SGPP2: variants seen among roughly 807,000 people sequenced by gnomAD.
SGPP2 encodes the protein sphingosine 1-phosphate phosphohydrolase 2.
A neutral mutation model predicts 33.9 loss-of-function variants in SGPP2; 30 were observed. The ratio of observed to expected loss-of-function variants is 0.89; its 90% CI spans 0.66 to 1.20. The LOEUF (loss-of-function observed/expected upper bound fraction) is 1.20. Ranked by LOEUF, SGPP2 falls within the 50% of genes most tolerant of loss-of-function variation. The probability of loss-of-function intolerance (pLI) is 0.00; values close to 1 mark genes in which losing one functional copy is unlikely to be tolerated. For missense variants in SGPP2, 458 were observed against 532.1 expected, an observed-to-expected ratio of 0.86 and a Z score of 1.37; for synonymous variants, 233 against 225.0, an observed-to-expected ratio of 1.04 and a Z score of -0.32.
At chr2:222,454,309 G>T (rs1002281391) in intron 1 of SGPP2, among the ~76,000 whole-genome samples, 1 of 152,180 alleles carries the variant, frequency 6.6e-6, no homozygotes, top group African/African-American at 2.4e-5. Context: ...TCCCATTGCT[G>T]ATGTTCAGTG....
intron 1 of SGPP2, among the ~76,000 whole-genome samples, chr2:222,466,639 CAGT>C (rs1396995406): frequency 6.6e-6 from 1 of 152,094 alleles, no homozygotes; most frequent in Non-Finnish European, 1.5e-5. Flanking sequence ...AGGATTCTGA[CAGT>C]AGTGCAAAAG....
At chr2:222,480,053 AG>A (rs1364781595) in intron 2 of SGPP2, among the ~76,000 whole-genome samples, 2 of 152,222 alleles carry the variant, frequency 1.3e-5, no homozygotes, top group Admixed American at 6.5e-5. Context: ...AGAGATATTG[AG>A]GATGATGTTT....
In SGPP2 at chr2:222,505,615, T is replaced by C. The variant is rs552024355; in HGVS notation, c.379-16152T>C. Among the ~76,000 whole-genome samples the C allele has an allele frequency of 7.2e-5, 11 of 152,196 alleles. No individual in the cohort carries two copies. The East Asian group carries it at 2.1e-3, about 29-fold the overall frequency. On this transcript the variant is annotated intron_variant, in intron 2 of 4. Transcript: ENST00000321276. ...TGTTATTATTTACTACCATAAAATA[T>C]ACATGAATCTATTATGAAAAGTTAA...
At chr2:222,500,240 C>T (rs1698346528) in intron 2 of SGPP2, among the ~76,000 whole-genome samples, 1 of 151,868 alleles carries the variant, frequency 6.6e-6, no homozygotes, top group South Asian at 2.1e-4. Context: ...TGATGGTGCA[C>T]CACTGGGATG....
chr2:222,472,970 T>C (rs1456180177), intron 1 of SGPP2, among the ~76,000 whole-genome samples: 4 of 152,032 alleles, frequency 2.6e-5, no homozygotes, highest in Non-Finnish European at 5.9e-5. Flanking sequence ...GCCAAGATAG[T>C]GCCATTGCAC....
chr2:222,456,718 T>C (rs2106080659), intron 1 of SGPP2, among the ~76,000 whole-genome samples: 1 of 152,346 alleles, frequency 6.6e-6, no homozygotes, highest in Non-Finnish European at 1.5e-5. Context: ...TTAACCTGGT[T>C]GTCAACACAT....
chr2:222,508,922 C>T (rs561465849), intron 2 of SGPP2, among the ~76,000 whole-genome samples: 1 of 152,034 alleles, frequency 6.6e-6, no homozygotes, highest in Non-Finnish European at 1.5e-5. Flanking sequence ...ACATCACATC[C>T]AGCAAAAAAA....
At chr2:222,447,051 A>G (rs528793477) in intron 1 of SGPP2, among the ~76,000 whole-genome samples, 9 of 152,206 alleles carry the variant, frequency 5.9e-5, no homozygotes, top group Non-Finnish European at 1.3e-4. Context: ...GCTGCTCCAC[A>G]ATATCATCAG....
intron 4 of SGPP2, among the ~76,000 whole-genome samples, chr2:222,528,432 CT>C (rs1472786251): frequency 2.6e-5 from 4 of 151,334 alleles, no homozygotes; most frequent in South Asian, 4.2e-4. Context: ...TACATTATGT[CT>C]AAAAAAAAGC....
intron 1 of SGPP2, among the ~76,000 whole-genome samples, chr2:222,426,692 G>A (rs1431867511): frequency 6.6e-6 from 1 of 152,146 alleles, no homozygotes. Flanking sequence ...ATATAATGGG[G>A]GAAATCATAA....
intron 4 of SGPP2, among the ~76,000 whole-genome samples, chr2:222,554,863 A>C (rs1386273627): frequency 6.6e-6 from 1 of 152,198 alleles, no homozygotes; most frequent in Non-Finnish European, 1.5e-5. Flanking sequence ...TGAAATTTTA[A>C]TTTAAAAATT....
chr2:222,463,950 C>T (rs1697704020), intron 1 of SGPP2, among the ~76,000 whole-genome samples: 1 of 144,510 alleles, frequency 6.9e-6, no homozygotes, highest in Non-Finnish European at 1.5e-5. Flanking sequence ...AATCAACCCT[C>T]CCAAGTTCTG....
intron 1 of SGPP2, among the ~76,000 whole-genome samples, chr2:222,454,420 G>C (rs1425572771): frequency 6.6e-6 from 1 of 152,198 alleles, no homozygotes; most frequent in African/African-American, 2.4e-5. Context: ...TATAATAGGA[G>C]AGCTTGGATG....
intron 1 of SGPP2, among the ~76,000 whole-genome samples, chr2:222,445,267 A>G (rs1186594034): frequency 1.3e-5 from 2 of 152,252 alleles, no homozygotes; most frequent in Admixed American, 6.5e-5. Flanking sequence ...CTTTGTTCAC[A>G]CATAGCTTTA....
intron 4 of SGPP2, among the ~76,000 whole-genome samples, chr2:222,546,254 C>G (rs1689196827): frequency 6.6e-6 from 1 of 152,196 alleles, no homozygotes; most frequent in South Asian, 2.1e-4. Context: ...GATTTCCACA[C>G]CATAATCCTG....
intron 4 of SGPP2, among the ~76,000 whole-genome samples, chr2:222,539,412 A>G (rs1039135955): frequency 3.3e-5 from 5 of 152,250 alleles, no homozygotes; most frequent in African/African-American, 1.2e-4. Context: ...ATGGAATTTT[A>G]TACAGGGAAT....
intron 2 of SGPP2, among the ~76,000 whole-genome samples, chr2:222,491,565 G>A (rs1250968296): frequency 6.6e-6 from 1 of 152,038 alleles, no homozygotes; most frequent in African/African-American, 2.4e-5. Context: ...AACAGCATGC[G>A]GGGAAACCTC....
chr2:222,425,569 C>T (rs574246594), intron 1 of SGPP2, among the ~76,000 whole-genome samples: 7 of 152,296 alleles, frequency 4.6e-5, no homozygotes, highest in African/African-American at 1.7e-4. Flanking sequence ...GCGTCGTCGT[C>T]GCAGTGCACA....
intron 2 of SGPP2, among the ~76,000 whole-genome samples, chr2:222,491,327 G>C (rs754820491): frequency 4.7e-4 from 72 of 151,858 alleles, no homozygotes; most frequent in Admixed American, 2.1e-3. Flanking sequence ...GTAGAGACAG[G>C]GTCTGTTTTC....
Sources: gnomAD v4.1 joint callset for allele counts (sites outside exome capture counted in the v4.1 genomes callset) on GRCh38, gnomAD v4.1.1 for gene constraint, MANE v1.5 for transcripts, NCBI Gene and HGNC (gene_info 2026-07-23, HGNC 2026-07-21) for gene names.